Variants in DPP10 observed in about 807,000 individuals in gnomAD.
DPP10 encodes the protein inactive dipeptidyl peptidase 10.
In DPP10, 33 loss-of-function variants were observed where a neutral mutation model predicts 120.9. The ratio of observed to expected loss-of-function variants is 0.27; its 90% CI spans 0.21 to 0.37. The LOEUF (loss-of-function observed/expected upper bound fraction) is 0.37. Among genes scored for constraint, DPP10 ranks in the 10% least tolerant of loss-of-function variants. The pLI is 1.00. For synonymous variants in DPP10, 337 were observed against 326.1 expected (o/e 1.03, Z -0.36); for missense variants, 816 against 942.8 (o/e 0.87, Z 1.76).
chr2:114,866,157 A>G (rs1193326932), intron 1 of DPP10, among the ~76,000 whole-genome samples: 1 of 148,930 alleles, frequency 6.7e-6, no homozygotes. Context: ...ATAAACTTAT[A>G]TGCTTGTTTA....
chr2:115,797,933 A>T (rs201716774), intron 19 of DPP10, among the ~76,000 whole-genome samples: 1 of 139,892 alleles, frequency 7.1e-6, no homozygotes, highest in East Asian at 2.0e-4. Flanking sequence ...ATATATATAT[A>T]TGTGTATATA....
intron 5 of DPP10, among the ~76,000 whole-genome samples, chr2:115,528,156 AT>A: frequency 6.6e-6 from 1 of 151,986 alleles, no homozygotes; most frequent in East Asian, 2.0e-4. Context: ...GTCTTCCACA[AT>A]GGTTGAACTA....
chr2:114,582,021 T>C (rs1166268946), intron 1 of DPP10, among the ~76,000 whole-genome samples: 2 of 152,230 alleles, frequency 1.3e-5, no homozygotes, highest in South Asian at 2.1e-4. Context: ...GTACATTCTA[T>C]GGGTTTGGAT....
intron 3 of DPP10, among the ~76,000 whole-genome samples, chr2:115,473,811 T>TACAGACTTCC (rs1443126733): frequency 6.6e-6 from 1 of 152,230 alleles, no homozygotes; most frequent in Non-Finnish European, 1.5e-5. Context: ...ATTCCTGTGA[T>TACAGACTTCC]ACAGACCTCC....
At chr2:115,090,725 A>G (rs1435861318) in intron 1 of DPP10, among the ~76,000 whole-genome samples, 1 of 152,028 alleles carries the variant, frequency 6.6e-6, no homozygotes, top group East Asian at 1.9e-4. Flanking sequence ...TTACGGTCTA[A>G]GAGTATTTAT....
At chr2:115,024,918 A>G (rs1703351958) in intron 1 of DPP10, among the ~76,000 whole-genome samples, 1 of 150,390 alleles carries the variant, frequency 6.6e-6, no homozygotes, top group South Asian at 2.1e-4. Flanking sequence ...ATCTTTAAAT[A>G]TATTTTATAA....
chr2:115,229,353 T>G (rs1365883850), intron 1 of DPP10, among the ~76,000 whole-genome samples: 3 of 152,218 alleles, frequency 2.0e-5, no homozygotes, highest in Non-Finnish European at 4.4e-5. Flanking sequence ...ATTGTTTCCT[T>G]TGCTGTGCAG....
intron 1 of DPP10, among the ~76,000 whole-genome samples, chr2:114,645,753 T>G (rs1028068279): frequency 6.6e-6 from 1 of 152,176 alleles, no homozygotes; most frequent in Admixed American, 6.5e-5. Flanking sequence ...GGGCTCTGAA[T>G]GTGGAAGTGT....
At chr2:115,805,136 G>A (rs1313358061) in intron 19 of DPP10, among the ~76,000 whole-genome samples, 4 of 152,084 alleles carry the variant, frequency 2.6e-5, no homozygotes, top group Non-Finnish European at 5.9e-5. Flanking sequence ...AATGGCAGGC[G>A]CCCCTCCCCC....
At chr2:115,313,897 A>G (rs2061681450) in intron 2 of DPP10, among the ~76,000 whole-genome samples, 2 of 152,044 alleles carry the variant, frequency 1.3e-5, no homozygotes, top group Admixed American at 1.3e-4. Flanking sequence ...TATTTTTTCT[A>G]TTGAGTTTGT....
chr2:114,796,268 G>A (rs931953561), intron 1 of DPP10, among the ~76,000 whole-genome samples: 1 of 152,174 alleles, frequency 6.6e-6, no homozygotes, highest in African/African-American at 2.4e-5. Context: ...GACATTACAA[G>A]AAAGAGTTGA....
intron 8 of DPP10, 108 bp from the exon 9 acceptor site, chr2:115,739,631 A>G: frequency 1.7e-6 from 2 of 1,164,794 alleles, no homozygotes; most frequent in Non-Finnish European, 2.4e-6. Context: ...AATTCAATAC[A>G]CAGTCTAGAA....
chr2:115,383,278 A>AC (rs2066563185), intron 3 of DPP10, among the ~76,000 whole-genome samples: 1 of 152,170 alleles, frequency 6.6e-6, no homozygotes, highest in East Asian at 1.9e-4. Flanking sequence ...ATGATAGTGA[A>AC]TAAGTCTCAC....
chr2:115,190,894 AGTTT>A (rs2054832254), intron 1 of DPP10, among the ~76,000 whole-genome samples: 1 of 152,144 alleles, frequency 6.6e-6, no homozygotes, highest in Non-Finnish European at 1.5e-5. Flanking sequence ...CAATTGCTAT[AGTTT>A]GTTTCAAATT....
chr2:115,032,650 G>A (rs770057775), intron 1 of DPP10, among the ~76,000 whole-genome samples: 3 of 152,020 alleles, frequency 2.0e-5, no homozygotes, highest in Admixed American at 6.6e-5. Context: ...GGAGGCCGAG[G>A]TGGGTGGATC....
intron 1 of DPP10, among the ~76,000 whole-genome samples, chr2:114,980,846 G>T (rs1431984110): frequency 6.6e-6 from 1 of 151,578 alleles, no homozygotes; most frequent in Non-Finnish European, 1.5e-5. Flanking sequence ...TTTACAATAA[G>T]CATGTTATAT....
chr2:115,365,588 T>G (rs1268063011), intron 3 of DPP10, among the ~76,000 whole-genome samples: 1 of 151,924 alleles, frequency 6.6e-6, no homozygotes, highest in Non-Finnish European at 1.5e-5. Flanking sequence ...TTCTCCTTGG[T>G]TTTTTAAACA....
At chr2:114,598,060 A>C (rs1342721153) in intron 1 of DPP10, among the ~76,000 whole-genome samples, 1 of 151,916 alleles carries the variant, frequency 6.6e-6, no homozygotes, top group Non-Finnish European at 1.5e-5. Context: ...ATTATTAAAA[A>C]TTGGGAGCAG....
intron 5 of DPP10, among the ~76,000 whole-genome samples, chr2:115,593,775 A>G (rs747623849): frequency 6.6e-6 from 1 of 152,148 alleles, no homozygotes; most frequent in Non-Finnish European, 1.5e-5. Flanking sequence ...AGCAGGACCA[A>G]TTTATTTGCA....
Sources: gnomAD v4.1 joint callset for allele counts (sites outside exome capture counted in the v4.1 genomes callset) on GRCh38, gnomAD v4.1.1 for gene constraint, MANE v1.5 for transcripts, NCBI Gene and HGNC (gene_info 2026-07-23, HGNC 2026-07-21) for gene names.